The following GALK2 variants were observed in gnomAD, a reference collection of about 807,000 sequenced individuals.
GALK2 encodes the protein galactokinase 2, also known as N-acetylgalactosamine kinase.
Under a neutral mutation model 52.4 loss-of-function variants are expected in GALK2, and 36 were observed. The observed-to-expected ratio is 0.69, with a 90% CI of 0.53 to 0.91. The LOEUF (loss-of-function observed/expected upper bound fraction) is 0.91, where lower values mean the gene tolerates loss of function less well. Ranked by LOEUF, GALK2 falls within the 40% of genes least tolerant of loss-of-function variation. The pLI is 0.00. For missense variants in GALK2, 579 were observed against 559.1 expected (o/e 1.04, Z -0.36); for synonymous variants, 176 against 199.1 (o/e 0.88, Z 0.98).
At chr15:49,217,772 T>G (rs982944058) in intron 3 of GALK2, among the ~76,000 whole-genome samples, 6 of 152,206 alleles carry the variant, frequency 3.9e-5, no homozygotes, top group African/African-American at 7.2e-5. Flanking sequence ...GCCTCTCTTC[T>G]TCAATGCCCT....
chr15:49,198,218 A>C (rs1050767317), intron 1 of GALK2, among the ~76,000 whole-genome samples: 1 of 152,186 alleles, frequency 6.6e-6, no homozygotes, highest in Non-Finnish European at 1.5e-5. Flanking sequence ...CTTGTTGCCC[A>C]GGCTGGAGTG....
chr15:49,201,693 T>C (rs2087787597), intron 2 of GALK2, among the ~76,000 whole-genome samples: 1 of 152,236 alleles, frequency 6.6e-6, no homozygotes, highest in African/African-American at 2.4e-5. Context: ...TCCTGTGAAG[T>C]ACTTTGAATT....
At chr15:49,312,606 A>T (rs11630318) in intron 8 of GALK2, among the ~76,000 whole-genome samples, 28,281 of 152,038 alleles carry the variant, frequency 0.19, 2,786 homozygotes, top group Non-Finnish European at 0.21. Flanking sequence ...TTGTGATTAT[A>T]TCAGCCAATT....
chr15:49,265,199 C>T (rs980347498), intron 5 of GALK2, among the ~76,000 whole-genome samples: 3 of 152,344 alleles, frequency 2.0e-5, no homozygotes, highest in South Asian at 2.1e-4. Context: ...GGCAGGCAGG[C>T]CTCCTTGAGC....
intron 3 of GALK2, among the ~76,000 whole-genome samples, chr15:49,337,413 G>A (rs1475090756): frequency 3.8e-4 from 56 of 146,976 alleles, no homozygotes; most frequent in Non-Finnish European, 3.0e-5. Context: ...ATCTCATTGT[G>A]GTTTTCGTTT....
At chr15:49,214,954 G>T (rs568462911) in intron 2 of GALK2, among the ~76,000 whole-genome samples, 32 of 152,198 alleles carry the variant, frequency 2.1e-4, no homozygotes, top group Middle Eastern at 3.4e-3. Context: ...GTCTGGGAAA[G>T]TATTTCTCTT....
chr15:49,237,728 G>A (rs2090898330), intron 4 of GALK2, among the ~76,000 whole-genome samples: 2 of 152,088 alleles, frequency 1.3e-5, no homozygotes. Flanking sequence ...ACCCGCCTCG[G>A]CCTCCCAAAG....
chr15:49,192,473 T>TTATATATATA (rs1228381589), intron 1 of GALK2, among the ~76,000 whole-genome samples: 10 of 82,410 alleles, frequency 1.2e-4, no homozygotes, highest in Admixed American at 7.0e-4. Flanking sequence ...GCAATGAATA[T>TTATATATATA]TATATATATA....
chr15:49,327,008 G>T (rs2037617846), intron 9 of GALK2: 1 of 152,118 alleles, frequency 6.6e-6, no homozygotes, highest in Admixed American at 6.5e-5. Context: ...AATTTGGAGT[G>T]AATTTTATTA....
chr15:49,310,340 A>G (rs1296518696), intron 8 of GALK2, among the ~76,000 whole-genome samples: 1 of 152,188 alleles, frequency 6.6e-6, no homozygotes, highest in African/African-American at 2.4e-5. Context: ...TAGTGCTGCA[A>G]TAAACATGGG....
At chr15:49,203,690 ATTC>A (rs2087991804) in intron 2 of GALK2, among the ~76,000 whole-genome samples, 14 of 152,304 alleles carry the variant, frequency 9.2e-5, no homozygotes, top group Non-Finnish European at 1.6e-4. Flanking sequence ...TCCATTTTAA[ATTC>A]ATTTTTATAA....
chr15:49,265,388 T>G lies in GALK2; in HGVS notation c.505-16599T>G, dbSNP rs544097824. On this transcript the variant is annotated intron_variant, in intron 5 of 9. Coordinates refer to ENST00000560031, the MANE Select transcript of GALK2 (RefSeq NM_002044.4). ...GACCCTCTGAGCCAGGTGCAGGATA[T>G]AATCTCCTGGTGTGCCGTTTTTTAA... Among the ~76,000 whole-genome samples the G allele has an allele frequency of 7.2e-5, 11 of 152,332 alleles. 1 individual carries two copies. The highest frequency in any genetic ancestry group is 2.2e-4 in the African/African-American group (9 of 41,584).
intron 3 of GALK2, among the ~76,000 whole-genome samples, chr15:49,339,216 G>A (rs935270742): frequency 1.3e-4 from 20 of 152,122 alleles, no homozygotes; most frequent in African/African-American, 4.1e-4. Context: ...AGGCATTCTG[G>A]TTTTTGGAAT....
intron 5 of GALK2, among the ~76,000 whole-genome samples, chr15:49,265,867 G>A (rs1214737079): frequency 6.6e-6 from 1 of 152,148 alleles, no homozygotes; most frequent in African/African-American, 2.4e-5. Context: ...AGGAAAAATA[G>A]CCCACTCAAG....
intron 5 of GALK2, among the ~76,000 whole-genome samples, chr15:49,270,321 GT>G (rs1190883630): frequency 1.3e-5 from 2 of 152,214 alleles, no homozygotes; most frequent in African/African-American, 4.8e-5. Flanking sequence ...GCAATAGTAA[GT>G]TATAGAGGTC....
intron 8 of GALK2, among the ~76,000 whole-genome samples, chr15:49,307,327 G>A (rs1375531559): frequency 3.9e-5 from 6 of 152,146 alleles, no homozygotes; most frequent in Non-Finnish European, 8.8e-5. Flanking sequence ...ATTGAAATAC[G>A]GGGGCTTTCA....
At chr15:49,240,410 C>T (rs2091038538) in intron 5 of GALK2, among the ~76,000 whole-genome samples, 1 of 152,102 alleles carries the variant, frequency 6.6e-6, no homozygotes, top group Admixed American at 6.6e-5. Flanking sequence ...ATGTTCAAGG[C>T]ATTGGAGATA....
intron 3 of GALK2, among the ~76,000 whole-genome samples, chr15:49,348,994 G>A (rs896668870): frequency 1.2e-4 from 19 of 152,078 alleles, no homozygotes; most frequent in African/African-American, 4.6e-4. Context: ...ATAATCTAAA[G>A]CCCAAATTGT....
chr15:49,299,722 CTTTCTTTCTTTCT>C (rs201410769), intron 8 of GALK2, among the ~76,000 whole-genome samples: 8,500 of 48,494 alleles, frequency 0.18, 588 homozygotes, highest in Middle Eastern at 0.21. Flanking sequence ...TTCTTTCTTT[CTTTCTTTCTTTCT>C]TTTCTTTCTT....
Sources: allele counts gnomAD v4.1 joint callset (sites outside exome capture counted in the v4.1 genomes callset), GRCh38; gene constraint gnomAD v4.1.1; transcripts MANE v1.5; gene names NCBI Gene and HGNC (gene_info 2026-07-23, HGNC 2026-07-21).